SLC25A51: variants seen among roughly 807,000 people sequenced by gnomAD.
The protein encoded by SLC25A51 is mitochondrial nicotinamide adenine dinucleotide transporter SLC25A51.
A neutral mutation model predicts 19.1 loss-of-function variants in SLC25A51; 11 were observed. That is an observed-to-expected ratio of 0.58 (90% CI 0.36 to 0.96). The LOEUF (loss-of-function observed/expected upper bound fraction) is 0.96, where lower values mean the gene tolerates loss of function less well. SLC25A51 is among the 40% of genes least tolerant of loss of function. SLC25A51 has a pLI of 0.01. For missense variants in SLC25A51, 201 were observed against 365.4 expected (o/e 0.55, Z 3.67); for synonymous variants, 105 against 133.6 (o/e 0.79, Z 1.47).
intron 2 of SLC25A51, among the ~76,000 whole-genome samples, chr9:37,891,900 A>T (rs1343892687): frequency 1.6e-5 from 1 of 62,038 alleles, no homozygotes; most frequent in Non-Finnish European, 3.1e-5. Context: ...AACTACTTTA[A>T]AAAAAAAAAA....
At chr9:37,893,509 G>C (rs956512398) in intron 2 of SLC25A51, among the ~76,000 whole-genome samples, 3 of 152,246 alleles carry the variant, frequency 2.0e-5, no homozygotes, top group Admixed American at 1.3e-4. Context: ...GAGCTGGGCA[G>C]TGTCAGAGCT....
At chr9:37,884,805 A>T (rs1419140002), downstream of SLC25A51, among the ~76,000 whole-genome samples, 1 of 152,236 alleles carries the variant, frequency 6.6e-6, no homozygotes, top group African/African-American at 2.4e-5. Context: ...ACAAGATTCA[A>T]GTCCCTTCAT....
Position 37,888,152 on chromosome 9 carries a change from T to A in SLC25A51, c.399A>T (p.Ala133=). The A allele has an allele frequency of 6.2e-7, 1 of 1,613,948 alleles. No individual in the cohort carries two copies. Among genetic ancestry groups the A allele is most frequent in the Non-Finnish European group, 8.5e-7 (1 of 1,179,864 alleles). Residue 133 remains alanine, a synonymous_variant, in exon 3 of 3, where the codon GCA becomes GCT. Transcript: ENST00000242275. ...GAACTCTTTCCAGTGGAGTGAAAAT[T>A]GCTTCTGTTGTCCCTGCAAGCACTG... The part of the protein sequence containing the change: ...VAAVLAGTTE[A]IFTPLERVQT...
At chr9:37,898,219 T>C (rs1374975009) in intron 2 of SLC25A51, among the ~76,000 whole-genome samples, 1 of 152,170 alleles carries the variant, frequency 6.6e-6, no homozygotes. Flanking sequence ...AAGACCAACC[T>C]GGCCAACATG....
At chr9:37,895,011 C>T (rs1422632209) in intron 2 of SLC25A51, among the ~76,000 whole-genome samples, 5 of 152,106 alleles carry the variant, frequency 3.3e-5, no homozygotes, top group African/African-American at 4.8e-5. Context: ...TTCTTTATCC[C>T]GTGTACTACT....
At position 37,896,594 on chromosome 9, in the gene SLC25A51, G is replaced by A. The variant is rs566550586; in HGVS notation, c.-43+3235C>T. Reference sequence around the variant, plus strand: ...GTGGATCACTTGAAGTCAGGAGTTCGAGACCAGTCTGGCCAACATGGCGAA... The same window carrying A: ...GTGGATCACTTGAAGTCAGGAGTTCAAGACCAGTCTGGCCAACATGGCGAA... On this transcript the variant is annotated intron_variant, in intron 2 of 2. Transcript: ENST00000242275. 1.6e-4 allele frequency among the ~76,000 whole-genome samples: 25 copies of A among 152,236 alleles called. No individual in the cohort carries two copies. In the East Asian group the frequency reaches 2.9e-3, roughly 18 times the overall value.
At chr9:37,889,768 C>T (rs1831539248) in intron 2 of SLC25A51, among the ~76,000 whole-genome samples, 1 of 148,762 alleles carries the variant, frequency 6.7e-6, no homozygotes, top group Non-Finnish European at 1.5e-5. Context: ...GGAACTAAGC[C>T]AAAGTTCCAC....
chr9:37,885,539 G>A (rs756808452), downstream of SLC25A51: 29 of 590,494 alleles, frequency 4.9e-5, no homozygotes, highest in Middle Eastern at 9.2e-4. Context: ...ACAGGCGCCC[G>A]CCACCACGCC....
At chr9:37,893,277 T>C (rs1339783933) in intron 2 of SLC25A51, among the ~76,000 whole-genome samples, 1 of 152,254 alleles carries the variant, frequency 6.6e-6, no homozygotes, top group East Asian at 1.9e-4. Context: ...ATATAGACTA[T>C]GATTAAGAAA....
downstream of SLC25A51, among the ~76,000 whole-genome samples, chr9:37,884,789 A>G (rs1211989432): frequency 6.6e-6 from 1 of 152,200 alleles, no homozygotes; most frequent in Non-Finnish European, 1.5e-5. Context: ...GGATGGAACA[A>G]CTATAACAAG....
chr9:37,891,156 CA>C (rs1348309044), intron 2 of SLC25A51, among the ~76,000 whole-genome samples: 1 of 152,232 alleles, frequency 6.6e-6, no homozygotes, highest in Non-Finnish European at 1.5e-5. Flanking sequence ...TCTAAGACTA[CA>C]GATTAAGAAA....
chr9:37,891,679 C>T (rs907241296), intron 2 of SLC25A51, among the ~76,000 whole-genome samples: 1 of 152,004 alleles, frequency 6.6e-6, no homozygotes, highest in Non-Finnish European at 1.5e-5. Flanking sequence ...AGAGTCATCA[C>T]CACTCCCTAA....
intron 2 of SLC25A51, 127 bp from the exon 3 acceptor site, chr9:37,888,719 TA>T: frequency 3.9e-6 from 3 of 772,222 alleles, no homozygotes; most frequent in Non-Finnish European, 5.9e-6. Context: ...CAGTGATTCT[TA>T]AAGCATTTTC....
intron 2 of SLC25A51, among the ~76,000 whole-genome samples, chr9:37,899,066 A>G (rs1831785952): frequency 6.6e-6 from 1 of 152,236 alleles, no homozygotes; most frequent in Non-Finnish European, 1.5e-5. Context: ...TATTCTCTTT[A>G]TAAAACGTGG....
chr9:37,886,331 C>T (rs928275908), downstream of SLC25A51: 38 of 1,613,636 alleles, frequency 2.4e-5, no homozygotes, highest in African/African-American at 4.0e-5. Context: ...CCCTGAGGAG[C>T]AGCCTGTGGC....
intron 2 of SLC25A51, among the ~76,000 whole-genome samples, chr9:37,899,379 ATTT>A (rs968683231): frequency 6.7e-6 from 1 of 149,374 alleles, no homozygotes; most frequent in Non-Finnish European, 1.5e-5. Flanking sequence ...TCATGTTGTC[ATTT>A]TTTTTTTCTT....
chr9:37,885,990 C>A, downstream of SLC25A51: 2 of 1,613,658 alleles, frequency 1.2e-6, no homozygotes, highest in Non-Finnish European at 1.7e-6. Flanking sequence ...GAGTTCTTTG[C>A]CAATTGGTCT....
At chr9:37,895,498 C>T (rs1489577895) in intron 2 of SLC25A51, among the ~76,000 whole-genome samples, 1 of 151,812 alleles carries the variant, frequency 6.6e-6, no homozygotes. Context: ...ACCTTGCCTG[C>T]CATTTAAAAT....
chr9:37,894,573 G>A (rs1191498810), intron 2 of SLC25A51, among the ~76,000 whole-genome samples: 4 of 152,026 alleles, frequency 2.6e-5, no homozygotes, highest in Non-Finnish European at 5.9e-5. Flanking sequence ...TGATCTGTCC[G>A]CCTTGGCCTC....
Sources: gnomAD v4.1 joint callset for allele counts (sites outside exome capture counted in the v4.1 genomes callset) on GRCh38, gnomAD v4.1.1 for gene constraint, MANE v1.5 for transcripts, NCBI Gene and HGNC (gene_info 2026-07-23, HGNC 2026-07-21) for gene names.